The following INTS1 variants were observed in gnomAD, a reference collection of about 807,000 sequenced individuals.
The protein encoded by INTS1 is integrator complex subunit 1.
A neutral mutation model predicts 241.6 loss-of-function variants in INTS1; 137 were observed. The ratio of observed to expected loss-of-function variants is 0.57; its 90% confidence interval spans 0.49 to 0.65. INTS1 has a LOEUF of 0.65. Ranked by LOEUF, INTS1 falls within the 30% of genes least tolerant of loss-of-function variation. The probability of loss-of-function intolerance (pLI) is 0.00; values close to 1 mark genes in which losing one functional copy is unlikely to be tolerated. For missense variants in INTS1, 3,073 were observed against 3,032.2 expected, an observed-to-expected ratio of 1.01 and a Z score of -0.32; for synonymous variants, 1,692 against 1,337.8, an observed-to-expected ratio of 1.26 and a Z score of -5.78.
chr7:1,476,096 C>A (rs1271777726), intron 38 of INTS1, 25 bp from the exon 39 acceptor site: 1 of 1,532,596 alleles, frequency 6.5e-7, no homozygotes, highest in Non-Finnish European at 8.8e-7. Flanking sequence ...GCAGGGCTCA[C>A]CAGGCGGACG....
rs1311417394 is a variant in INTS1, at chr7:1,497,384, G to A, written c.1426-70C>T. On this transcript the variant is annotated intron_variant, in intron 10 of 47. Transcript: ENST00000404767. This position sits in a 1 kb window ranked among gnomAD's most constrained non-coding sequence, Gnocchi z 5.3. ...TCCCTGTCACAGGCCCCTTCCCGCA[G>A]CACCAACAGGTATGGCGCCCGAGGG... 8.6e-6 allele frequency: 13 copies of A among 1,503,978 alleles called. No homozygotes were observed. The highest frequency in any genetic ancestry group is 1.4e-5 in the African/African-American group (1 of 72,180). 93.2% of individuals were successfully genotyped at this position (1,503,978 alleles called of 1,614,324 possible). A position where few individuals can be genotyped will look rare whatever the true frequency, so the allele number is the denominator to read the frequency against.
Position 1,503,115 on chromosome 7 carries a change from C to A in INTS1, c.135G>T (p.Leu45=), listed in dbSNP as rs769063423. Reference sequence around the variant, plus strand: ...GCAGGCCGGAAGGGGCTGGCTTCAGCAGGGTGGACGCCGTTTTCGATTCAT... The same window carrying A: ...GCAGGCCGGAAGGGGCTGGCTTCAGAAGGGTGGACGCCGTTTTCGATTCAT... ...QANESKTAST[L]LKPAPSGLPS... Residue 45 remains leucine, a synonymous_variant, in exon 3 of 48, where the codon CTG becomes CTT. Transcript: ENST00000404767. The A allele has an allele frequency of 4.4e-6, 7 of 1,604,294 alleles. No individual in the cohort carries two copies. The highest frequency in any genetic ancestry group is 6.0e-6 in the Non-Finnish European group (7 of 1,173,322).
rs564415987 is a variant in INTS1, at chr7:1,496,840, A to G, written c.1602+298T>C. Among the ~76,000 whole-genome samples, 54 of 152,222 alleles carry G rather than the reference A, an allele frequency of 3.5e-4. No individual in the cohort carries two copies. The South Asian group carries it at 7.7e-3, about 22-fold the overall frequency. Reference sequence around the variant, plus strand: ...TCTCCAACCCAGCCAGGCAGCCCGCAGCCCCACCCTGCCTCCCTGCTCCCG... The same window carrying G: ...TCTCCAACCCAGCCAGGCAGCCCGCGGCCCCACCCTGCCTCCCTGCTCCCG... On this transcript the variant is annotated intron_variant, in intron 11 of 47. Transcript: ENST00000404767.
intron 16 of INTS1, among the ~76,000 whole-genome samples, chr7:1,492,350 G>A (rs914953644): frequency 2.6e-5 from 4 of 152,140 alleles, no homozygotes; most frequent in Non-Finnish European, 5.9e-5. Context: ...ACAAGATCAT[G>A]CACTGTAGGA....
At chr7:1,479,188 G>A (rs368169578) in intron 31 of INTS1, among the ~76,000 whole-genome samples, 38 of 152,386 alleles carry the variant, frequency 2.5e-4, no homozygotes, top group Non-Finnish European at 3.8e-4. Flanking sequence ...GGAAAGCAAG[G>A]CAGGAGCGCC....
intron 3 of INTS1, chr7:1,501,041 T>G (rs1212062208): frequency 3.3e-5 from 5 of 152,068 alleles, no homozygotes; most frequent in African/African-American, 1.2e-4. Flanking sequence ...TCCCACCACT[T>G]TGGGAGGCTG....
At position 1,485,446 on chromosome 7, in the gene INTS1, C is replaced by CT; in HGVS notation, c.2999dup (p.Ser1002GlnfsTer58). 1 of 1,612,628 alleles carries CT rather than the reference C, an allele frequency of 6.2e-7. No individual in the cohort carries two copies. The highest frequency in any genetic ancestry group is 8.5e-7 in the Non-Finnish European group (1 of 1,179,832). On this transcript the variant is annotated frameshift_variant, in exon 23 of 48. Transcript: ENST00000404767. LOFTEE classifies it high-confidence loss of function. ...TCTCCTCCCCGTCCCGCAGGCTGCCCTCCGAAAGCACCAGCGACAAACCCT... is the reference window on the plus strand; with the variant it reads ...TCTCCTCCCCGTCCCGCAGGCTGCCCTTCCGAAAGCACCAGCGACAAACCCT...
In INTS1 at chr7:1,479,675, G is replaced by A. The variant is rs1253510154; in HGVS notation, c.4084C>T (p.Leu1362Phe). 1.4e-6 allele frequency: 2 copies of A among 1,469,058 alleles called. No homozygotes were observed. Among genetic ancestry groups the A allele is most frequent in the South Asian group, 1.4e-5 (1 of 72,134 alleles). The allele number at this position is 1,469,058 out of a possible 1,614,324, so 91.0% of individuals were successfully genotyped here. The change falls in exon 31 of 48, where the codon CTC becomes TTC. Residue 1362 changes from leucine to phenylalanine, a missense_variant. By Grantham distance (22) the Leu-to-Phe change is conservative (BLOSUM62 0). Coordinates refer to ENST00000404767, the MANE Select transcript of INTS1 (RefSeq NM_001080453.3). ...CTCTGCCACCGAGGGTCCGGGCTGA[G>A]CGGGAAAATCTGGAACGGGGAAGGC... is the stretch of plus-strand genomic sequence containing the variant. ...LAGMFLQIFP[L>F]SPDPRWQSSS...
At chr7:1,472,211 G>A in intron 44 of INTS1, 62 bp downstream of exon 44, 3 of 1,271,668 alleles carry the variant, frequency 2.4e-6, no homozygotes, top group Non-Finnish European at 3.4e-6. Context: ...ACTGGCTGCT[G>A]CCCGCAGCCC....
At position 1,472,307 on chromosome 7, in the gene INTS1, G is replaced by A. The variant is rs112658175; in HGVS notation, c.6150C>T (p.Tyr2050=). ...TTTGGCCCCGGGAAAGCCGTTTCATGTAGGGGGCCATCTCGGCCGCGGTCA... is the reference window on the plus strand; with the variant it reads ...TTTGGCCCCGGGAAAGCCGTTTCATATAGGGGGCCATCTCGGCCGCGGTCA... ...TPLTAAEMAP[Y]MKRLSRGQTV... The change falls in exon 44 of 48, where the codon TAC becomes TAT. Residue 2050 remains tyrosine, a synonymous_variant. Coordinates refer to ENST00000404767, the MANE Select transcript of INTS1 (RefSeq NM_001080453.3). 3,175 of 1,566,568 alleles carry A rather than the reference G, an allele frequency of 2.0e-3. 27 individuals are homozygous for A. The African/African-American group carries it at 0.022, about 11-fold the overall frequency.
Position 1,494,680 on chromosome 7 carries a change from G to A in INTS1, c.1910+136C>T, listed in dbSNP as rs933421002. Reference sequence around the variant, plus strand: ...GAGAAGGGTGGCACCCAGGATTGTGGAGGAGGAGCAGGATGGTGCTGTGAC... The same window carrying A: ...GAGAAGGGTGGCACCCAGGATTGTGAAGGAGGAGCAGGATGGTGCTGTGAC... On this transcript the variant is annotated intron_variant, in intron 14 of 47. Transcript: ENST00000404767. The A allele has an allele frequency of 4.9e-6, 4 of 817,864 alleles. No homozygotes were observed. In the African/African-American group the frequency reaches 6.7e-5, roughly 14 times the overall value. 50.7% of individuals were successfully genotyped at this position (817,864 alleles called of 1,614,324 possible).
At chr7:1,479,364 G>A in intron 31 of INTS1, 66 bp downstream of exon 31, 2 of 1,508,916 alleles carry the variant, frequency 1.3e-6, no homozygotes, top group African/African-American at 1.4e-5. Flanking sequence ...AGGACACCCG[G>A]GCCGTCCTGC....
chr7:1,487,241 C>T, intron 20 of INTS1, 79 bp downstream of exon 20: 3 of 1,527,886 alleles, frequency 2.0e-6, no homozygotes, highest in Non-Finnish European at 2.7e-6. Context: ...GTCCTGCCCT[C>T]TTCTGGCCAC....
In INTS1 at chr7:1,500,512, C is replaced by A. The variant is rs572807119; in HGVS notation, c.350-146G>T. On this transcript the variant is annotated intron_variant, in intron 3 of 47. Coordinates refer to ENST00000404767, the MANE Select transcript of INTS1 (RefSeq NM_001080453.3). The stretch of plus-strand genomic sequence containing the variant: ...CGATCCACCCTCAGCAAAGTTCCCA[C>A]AGCGGACAAGCACCCCACCAGATGG... The A allele has an allele frequency of 2.3e-5, 21 of 906,826 alleles. No homozygotes were observed. The South Asian group carries it at 3.3e-4, about 14-fold the overall frequency. 56.2% of individuals were successfully genotyped at this position (906,826 alleles called of 1,614,324 possible). A position where few individuals can be genotyped will look rare whatever the true frequency, so the allele number is the denominator to read the frequency against.
chr7:1,479,611 G>A lies in INTS1; in HGVS notation c.4148C>T (p.Ala1383Val). ...PRPVALALQQ[A>V]LGQELARVVQ... Reference sequence around the variant, plus strand: ...GACGCGGGCCAGCTCCTGGCCCAGGGCCTGCTGCAGGGCGAGGGCCACGGG... The same window carrying A: ...GACGCGGGCCAGCTCCTGGCCCAGGACCTGCTGCAGGGCGAGGGCCACGGG... The change falls in exon 31 of 48, where the codon GCC becomes GTC. Residue 1383 changes from alanine (A) to valine (V), a missense_variant. Transcript: ENST00000404767. 1.3e-6 allele frequency: 2 copies of A among 1,531,772 alleles called. No individual in the cohort carries two copies. Among genetic ancestry groups the A allele is most frequent in the Non-Finnish European group, 1.8e-6 (2 of 1,136,772 alleles). 94.9% of individuals were successfully genotyped at this position (1,531,772 alleles called of 1,614,324 possible).
chr7:1,476,144 G>C (rs1206327547), intron 38 of INTS1, 73 bp from the exon 39 acceptor site: 1 of 1,525,892 alleles, frequency 6.6e-7, no homozygotes, highest in Non-Finnish European at 8.8e-7. Flanking sequence ...GGGACCAGGC[G>C]TGATGGGAAC....
At chr7:1,473,810 T>C in intron 41 of INTS1, 117 bp from the exon 42 acceptor site, 1 of 1,305,686 alleles carries the variant, frequency 7.7e-7, no homozygotes. Flanking sequence ...ACGAGCCCCC[T>C]CTGCCAACCA....
chr7:1,498,694 G>C lies in INTS1; in HGVS notation c.1283+13C>G, dbSNP rs1303982273. The C allele has an allele frequency of 1.3e-6, 2 of 1,522,770 alleles. No individual in the cohort carries two copies. Among genetic ancestry groups the C allele is most frequent in the Non-Finnish European group, 1.8e-6 (2 of 1,130,986 alleles). 94.3% of individuals were successfully genotyped at this position (1,522,770 alleles called of 1,614,324 possible). ...CCACCCGCACCCCCGCTCTGCCCCG[G>C]CTCGCCACGCACCTGATGCACAGCA... On this transcript the variant is annotated intron_variant, in intron 9 of 47. Transcript: ENST00000404767.
In INTS1 at chr7:1,498,475, C is replaced by G; in HGVS notation, c.1362G>C (p.Arg454=). Residue 454 remains arginine, a synonymous_variant, in exon 10 of 48, where the codon CGG becomes CGC. Transcript: ENST00000404767. ...LVIFNELSSA[R]NPNNMQVLYT... ...AGAGGACCTGCATGTTGTTCGGGTTCCGGGCGCTGGAGAGCTCATTGAAGA... is the reference window on the plus strand; with the variant it reads ...AGAGGACCTGCATGTTGTTCGGGTTGCGGGCGCTGGAGAGCTCATTGAAGA... The G allele has an allele frequency of 2.5e-6, 4 of 1,613,962 alleles. No individual in the cohort carries two copies. In the South Asian group the frequency reaches 4.4e-5, roughly 18 times the overall value.
Sources: gnomAD v4.1 joint callset for allele counts (sites outside exome capture counted in the v4.1 genomes callset) on GRCh38, gnomAD v4.1.1 for gene constraint, Gnocchi (gnomAD v3.1) non-coding constraint, MANE v1.5 for transcripts, NCBI Gene and HGNC (gene_info 2026-07-23, HGNC 2026-07-21) for gene names.